Variants in ZNF475 observed in about 807,000 individuals in gnomAD.
ZNF475 encodes zinc finger protein 475.
At chr5:122,160,387 C>T in the ZNF475 span, 33 of 647,334 alleles carry the variant, frequency 5.1e-5, 1 homozygote, top group Non-Finnish European at 7.8e-5. Flanking sequence ...CATTTTAGAG[C>T]AACAGCCTCA....
At chr5:122,167,619 A>G in the ZNF475 span, among the ~76,000 whole-genome samples, 1 of 152,178 alleles carries the variant, frequency 6.6e-6, no homozygotes, top group Non-Finnish European at 1.5e-5. Flanking sequence ...TACTCCACTA[A>G]ACTGTATCTG....
the ZNF475 span, chr5:122,163,155 C>G: frequency 1.4e-5 from 2 of 141,274 alleles, no homozygotes; most frequent in African/African-American, 3.1e-5. Flanking sequence ...TCAGCTTCTC[C>G]CTGCCACTTC....
chr5:122,181,889 T>C, the ZNF475 span, among the ~76,000 whole-genome samples: 1 of 152,350 alleles, frequency 6.6e-6, no homozygotes, highest in South Asian at 2.1e-4. Context: ...AGGACGTATC[T>C]TTTTGTCAGA....
At chr5:122,162,745 T>G in the ZNF475 span, among the ~76,000 whole-genome samples, 2 of 152,162 alleles carry the variant, frequency 1.3e-5, no homozygotes, top group African/African-American at 4.8e-5. Context: ...TCAAGATAAT[T>G]TTATAAACTT....
chr5:122,169,450 T>G, the ZNF475 span, among the ~76,000 whole-genome samples: 1 of 152,012 alleles, frequency 6.6e-6, no homozygotes, highest in Non-Finnish European at 1.5e-5. Context: ...CTGGAGGAAG[T>G]AGATGAATGA....
At chr5:122,179,700 C>A in the ZNF475 span, 6 of 1,524,172 alleles carry the variant, frequency 3.9e-6, no homozygotes, top group Middle Eastern at 3.5e-4. Flanking sequence ...GAGACCAGTA[C>A]CTAAAAAACC....
the ZNF475 span, among the ~76,000 whole-genome samples, chr5:122,167,312 T>C: frequency 3.9e-5 from 6 of 152,198 alleles, no homozygotes; most frequent in Admixed American, 3.3e-4. Context: ...GGTTGCTTCC[T>C]AATGGACTTT....
chr5:122,178,379 T>C, the ZNF475 span, among the ~76,000 whole-genome samples: 2 of 152,260 alleles, frequency 1.3e-5, no homozygotes, highest in African/African-American at 2.4e-5. Context: ...AAAGCTTTCC[T>C]ATTTCTCCAC....
the ZNF475 span, among the ~76,000 whole-genome samples, chr5:122,161,293 T>G: frequency 6.6e-6 from 1 of 152,214 alleles, no homozygotes; most frequent in Non-Finnish European, 1.5e-5. Flanking sequence ...TCTGATGCCA[T>G]GGTCCCATCT....
At chr5:122,182,521 A>T in the ZNF475 span, 1 of 1,529,996 alleles carries the variant, frequency 6.5e-7, no homozygotes. Flanking sequence ...GATGCTTTAA[A>T]TGAAGCTGCT....
At chr5:122,160,987 G>A in the ZNF475 span, among the ~76,000 whole-genome samples, 2 of 152,256 alleles carry the variant, frequency 1.3e-5, no homozygotes, top group African/African-American at 4.8e-5. Context: ...AATCTGTAAG[G>A]AGTCCTTATT....
At chr5:122,179,826 A>G in the ZNF475 span, 1 of 860,020 alleles carries the variant, frequency 1.2e-6, no homozygotes, top group South Asian at 2.5e-5. Context: ...TGTTCAAACG[A>G]CCAAAATCAA....
At chr5:122,161,215 A>C in the ZNF475 span, among the ~76,000 whole-genome samples, 1 of 152,230 alleles carries the variant, frequency 6.6e-6, no homozygotes, top group Non-Finnish European at 1.5e-5. Flanking sequence ...ATGACCTACA[A>C]ATTGAAGAAA....
At chr5:122,179,742 GA>G in the ZNF475 span, 1 of 1,484,334 alleles carries the variant, frequency 6.7e-7, no homozygotes, top group South Asian at 1.3e-5. Context: ...TAAGTTCCTA[GA>G]AAAAAGATTT....
chr5:122,170,174 A>T, the ZNF475 span, among the ~76,000 whole-genome samples: 1 of 152,142 alleles, frequency 6.6e-6, no homozygotes, highest in Non-Finnish European at 1.5e-5. Context: ...TATTGACAAC[A>T]CTTCTGACAC....
the ZNF475 span, among the ~76,000 whole-genome samples, chr5:122,160,936 C>T: frequency 5.3e-5 from 8 of 152,150 alleles, no homozygotes; most frequent in Non-Finnish European, 1.0e-4. Context: ...ACTACAATCT[C>T]TCCCAAAATT....
the ZNF475 span, among the ~76,000 whole-genome samples, chr5:122,170,444 AAC>A: frequency 6.6e-6 from 1 of 152,198 alleles, no homozygotes; most frequent in Non-Finnish European, 1.5e-5. Context: ...AACTCAGGGA[AAC>A]ACTTCATCGT....
the ZNF475 span, among the ~76,000 whole-genome samples, chr5:122,180,621 T>C: frequency 1.3e-5 from 2 of 152,212 alleles, no homozygotes; most frequent in Non-Finnish European, 2.9e-5. Context: ...CACAGGACAA[T>C]GTTGGTTTTA....
chr5:122,180,995 C>G, the ZNF475 span, among the ~76,000 whole-genome samples: 1 of 152,096 alleles, frequency 6.6e-6, no homozygotes, highest in Non-Finnish European at 1.5e-5. Flanking sequence ...TGTTTCCTTC[C>G]CTTCTGATCT....
Sources: gnomAD v4.1 joint callset for allele counts (sites outside exome capture counted in the v4.1 genomes callset) on GRCh38, gnomAD v4.1.1 for gene constraint, MANE v1.5 for transcripts, NCBI Gene and HGNC (gene_info 2026-07-23, HGNC 2026-07-21) for gene names.